The following SCG5 variants were observed in gnomAD, a reference collection of about 807,000 sequenced individuals.
SCG5 encodes the protein secretogranin V, also known as neuroendocrine protein 7B2.
A neutral mutation model predicts 25.7 loss-of-function variants in SCG5; 18 were observed. The ratio of observed to expected loss-of-function variants is 0.70; its 90% CI spans 0.48 to 1.04. The LOEUF (loss-of-function observed/expected upper bound fraction) is 1.04. Among genes scored for constraint, SCG5 ranks in the 50% least tolerant of loss-of-function variants. The probability of loss-of-function intolerance (pLI) is 0.00; values close to 1 mark genes in which losing one functional copy is unlikely to be tolerated. For synonymous variants in SCG5, 101 were observed against 91.7 expected, an observed-to-expected ratio of 1.10 and a Z score of -0.58; for missense variants, 206 against 259.8, an observed-to-expected ratio of 0.79 and a Z score of 1.42.
chr15:32,666,869 C>A (rs1417628450), intron 2 of SCG5, among the ~76,000 whole-genome samples: 1 of 152,184 alleles, frequency 6.6e-6, no homozygotes, highest in African/African-American at 2.4e-5. Flanking sequence ...GCAGGCTGCA[C>A]TTTTGATCGC....
intron 5 of SCG5, among the ~76,000 whole-genome samples, chr15:32,695,016 T>C (rs1350934026): frequency 8.6e-5 from 13 of 151,864 alleles, no homozygotes; most frequent in Admixed American, 3.9e-4. Context: ...TCTTTCTTTT[T>C]TTTTTTTTTT....
chr15:32,659,144 C>G (rs2054174999), intron 2 of SCG5, among the ~76,000 whole-genome samples: 1 of 152,040 alleles, frequency 6.6e-6, no homozygotes, highest in Admixed American at 6.5e-5. Flanking sequence ...CCACTGCACT[C>G]CAGCCTGGGC....
At chr15:32,690,794 G>A (rs2054836751) in intron 4 of SCG5, among the ~76,000 whole-genome samples, 1 of 150,698 alleles carries the variant, frequency 6.6e-6, no homozygotes, top group Non-Finnish European at 1.5e-5. Flanking sequence ...CCAGAACTCT[G>A]TGGTTGTCTT....
At chr15:32,656,057 G>C (rs564087160) in intron 2 of SCG5, 1 of 152,186 alleles carries the variant, frequency 6.6e-6, no homozygotes, top group African/African-American at 2.4e-5. Context: ...CTAAGCACTG[G>C]GAACCATAGG....
At position 32,679,830 on chromosome 15, in the gene SCG5, G is replaced by A. The variant is rs1303256585; in HGVS notation, c.291G>A (p.Glu97=). The change falls in exon 3 of 6, where the codon GAG becomes GAA. Residue 97 remains glutamate, a synonymous_variant. Transcript: ENST00000300175. ...GCAACATCCCCAACATCGTGGCAGAGTTGACTGGAGACAACATTCCTAAGG... is the reference window on the plus strand; with the variant it reads ...GCAACATCCCCAACATCGTGGCAGAATTGACTGGAGACAACATTCCTAAGG... ...PFGNIPNIVA[E]LTGDNIPKDF... 6.2e-7 allele frequency: 1 copy of A among 1,613,874 alleles called. No homozygotes were observed. Among genetic ancestry groups the A allele is most frequent in the Non-Finnish European group, 8.5e-7 (1 of 1,179,864 alleles).
rs1017196755 is a variant in SCG5, at chr15:32,679,970, A to G, written c.376+55A>G. On this transcript the variant is annotated intron_variant, in intron 3 of 5. Transcript: ENST00000300175. ...AAAGTTGGGGCTTTGGAAGGAAATC[A>G]GAAATTCTAACATCAGCTACAAATA... 2.7e-6 allele frequency: 4 copies of G among 1,476,480 alleles called. No homozygotes were observed. In the African/African-American group the frequency reaches 4.2e-5, roughly 16 times the overall value. 91.5% of individuals were successfully genotyped at this position (1,476,480 alleles called of 1,614,324 possible).
At chr15:32,690,164 C>T (rs2054821800) in intron 4 of SCG5, among the ~76,000 whole-genome samples, 1 of 152,306 alleles carries the variant, frequency 6.6e-6, no homozygotes, top group East Asian at 1.9e-4. Flanking sequence ...CCCCCAAGAT[C>T]TCCTAAAGAA....
Position 32,658,334 on chromosome 15 carries a change from G to A in SCG5, c.226+14516G>A, listed in dbSNP as rs567814898. 6.8e-4 allele frequency among the ~76,000 whole-genome samples: 103 copies of A among 151,894 alleles called. 1 individual carries two copies. The highest frequency in any genetic ancestry group is 2.4e-3 in the African/African-American group (100 of 41,420). On this transcript the variant is annotated intron_variant, in intron 2 of 5. Coordinates refer to ENST00000300175, the MANE Select transcript of SCG5 (RefSeq NM_001144757.3). ...TGTGGATCAGGCAGTCACTACTGGA[G>A]TTCAGGAGGGGAATAAGGCATTGGC...
chr15:32,688,517 C>G (rs1389118766), intron 4 of SCG5, among the ~76,000 whole-genome samples: 1 of 152,138 alleles, frequency 6.6e-6, no homozygotes, highest in Non-Finnish European at 1.5e-5. Flanking sequence ...ACTCAGGTTT[C>G]CATGTGATTA....
At chr15:32,683,010 AT>A (rs1028912813) in intron 3 of SCG5, among the ~76,000 whole-genome samples, 1 of 152,258 alleles carries the variant, frequency 6.6e-6, no homozygotes, top group African/African-American at 2.4e-5. Flanking sequence ...ATGAAAGGTT[AT>A]AAAGGTGCCA....
chr15:32,694,791 G>C (rs953434978), intron 5 of SCG5, among the ~76,000 whole-genome samples: 1 of 152,184 alleles, frequency 6.6e-6, no homozygotes, highest in Non-Finnish European at 1.5e-5. Context: ...GACCTTTCAC[G>C]ATTCATGCGT....
Position 32,658,693 on chromosome 15 carries a change from CA to C in SCG5, c.226+14876del, listed in dbSNP as rs768645028. Among the ~76,000 whole-genome samples the C allele has an allele frequency of 1.9e-4, 29 of 152,188 alleles. 1 individual carries two copies. The highest frequency in any genetic ancestry group is 3.3e-4 in the Admixed American group (5 of 15,286). On this transcript the variant is annotated intron_variant, in intron 2 of 5. Transcript: ENST00000300175. ...GTTCTGTAACACTTCTCTGTCCTTG[CA>C]GATAAATAGGCTGCCCCAAATCTAG...
chr15:32,669,988 TG>T (rs1567080117), intron 2 of SCG5, among the ~76,000 whole-genome samples: 1 of 152,186 alleles, frequency 6.6e-6, no homozygotes, highest in African/African-American at 2.4e-5. Flanking sequence ...GATCCTAAAT[TG>T]GGACCACATG....
chr15:32,691,219 G>T (rs967969612), intron 4 of SCG5, among the ~76,000 whole-genome samples: 21 of 152,150 alleles, frequency 1.4e-4, no homozygotes, highest in African/African-American at 5.1e-4. Context: ...TTTTCCAATT[G>T]TCTTGACTGG....
At chr15:32,672,296 C>T (rs553363024) in intron 2 of SCG5, among the ~76,000 whole-genome samples, 2 of 152,364 alleles carry the variant, frequency 1.3e-5, no homozygotes, top group East Asian at 3.9e-4. Flanking sequence ...CTTTATTGCC[C>T]AGCGCCAGTG....
intron 2 of SCG5, among the ~76,000 whole-genome samples, chr15:32,655,753 G>A (rs932617873): frequency 5.3e-5 from 8 of 152,136 alleles, no homozygotes; most frequent in Admixed American, 5.2e-4. Flanking sequence ...TCCACCGTGG[G>A]AGAACACAGG....
At chr15:32,695,406 C>G (rs1454645719) in intron 5 of SCG5, among the ~76,000 whole-genome samples, 2 of 151,972 alleles carry the variant, frequency 1.3e-5, no homozygotes, top group Non-Finnish European at 2.9e-5. Flanking sequence ...CTTCTGCTTG[C>G]TAAATACTAT....
chr15:32,663,021 TAAAAAAAAAGA>T (rs1567076231), intron 2 of SCG5, among the ~76,000 whole-genome samples: 3 of 103,492 alleles, frequency 2.9e-5, no homozygotes, highest in African/African-American at 1.1e-4. Flanking sequence ...TTAGGGCTGT[TAAAAAAAAAGA>T]ATATATATAT....
At chr15:32,656,752 C>T (rs1256067729) in intron 2 of SCG5, among the ~76,000 whole-genome samples, 1 of 152,198 alleles carries the variant, frequency 6.6e-6, no homozygotes, top group African/African-American at 2.4e-5. Context: ...CCAATTGGTG[C>T]AAATACCTTG....
Sources: gnomAD v4.1 joint callset for allele counts (sites outside exome capture counted in the v4.1 genomes callset) on GRCh38, gnomAD v4.1.1 for gene constraint, MANE v1.5 for transcripts, NCBI Gene and HGNC (gene_info 2026-07-23, HGNC 2026-07-21) for gene names.